ADGRL3: variants seen among roughly 807,000 people sequenced by gnomAD.
The protein encoded by ADGRL3 is calcium-independent alpha-latrotoxin receptor 3.
ADGRL3 carries 62 observed loss-of-function variants against 153.5 expected under a neutral mutation model. The ratio of observed to expected loss-of-function variants is 0.40; its 90% CI spans 0.33 to 0.50. ADGRL3 has a LOEUF of 0.50. Ranked by LOEUF, ADGRL3 falls within the 20% of genes least tolerant of loss-of-function variation. The pLI is 0.47. For missense variants in ADGRL3, 1,641 were observed against 1,859.4 expected, an observed-to-expected ratio of 0.88 and a Z score of 2.16; for synonymous variants, 710 against 672.5, an observed-to-expected ratio of 1.06 and a Z score of -0.86.
intron 6 of ADGRL3, among the ~76,000 whole-genome samples, chr4:61,701,726 T>G (rs1230866325): frequency 3.3e-5 from 5 of 151,964 alleles, no homozygotes; most frequent in African/African-American, 1.2e-4. Flanking sequence ...CATGAGCCGC[T>G]GCGCAGAACC....
chr4:61,734,924 A>G (rs922670579), intron 8 of ADGRL3, among the ~76,000 whole-genome samples: 1 of 152,228 alleles, frequency 6.6e-6, no homozygotes, highest in African/African-American at 2.4e-5. Context: ...AGTTCTTTAT[A>G]TAGTGAAGTG....
intron 4 of ADGRL3, among the ~76,000 whole-genome samples, chr4:61,553,574 G>A (rs1306772997): frequency 2.0e-5 from 3 of 152,078 alleles, no homozygotes; most frequent in Non-Finnish European, 4.4e-5. Context: ...TTACCCACAT[G>A]CACTTATTGA....
intron 2 of ADGRL3, among the ~76,000 whole-genome samples, chr4:61,443,897 T>C (rs1202433442): frequency 6.6e-6 from 1 of 152,158 alleles, no homozygotes; most frequent in African/African-American, 2.4e-5. Flanking sequence ...ATTTAGGTGG[T>C]TTCATTTTCA....
At chr4:61,440,394 T>C (rs1476362978) in intron 2 of ADGRL3, among the ~76,000 whole-genome samples, 1 of 152,176 alleles carries the variant, frequency 6.6e-6, no homozygotes, top group African/African-American at 2.4e-5. Context: ...TTTTGACTAT[T>C]TTTGCTCCAT....
rs568048926 is a variant in ADGRL3 at position 61,539,721 on chromosome 4, G to T, written c.259+22203G>T. Among the ~76,000 whole-genome samples, 30 of 152,266 alleles carry T rather than the reference G, an allele frequency of 2.0e-4. No individual in the cohort carries two copies. In the South Asian group the frequency reaches 3.9e-3, roughly 20 times the overall value. ...GGAAGTTCACAGATCACCACTGACA[G>T]TGTTGCCCAGGGTCACAAAGGCAGA... On this transcript the variant is annotated intron_variant, in intron 4 of 26. Transcript: ENST00000683033.
rs896411956 is a variant in ADGRL3, at chr4:61,725,893, G to A, written c.584-4729G>A. 5.9e-5 allele frequency among the ~76,000 whole-genome samples: 9 copies of A among 152,088 alleles called. No individual in the cohort carries two copies. The South Asian group carries it at 1.7e-3, about 28-fold the overall frequency. On this transcript the variant is annotated intron_variant, in intron 6 of 26. Coordinates refer to ENST00000683033, the MANE Select transcript of ADGRL3 (RefSeq NM_001387552.1). ...GTTGACCTTGGTCAAATCCTTTAGTGTTTAGACCCTCTTTACTCTTCTCTG... is the reference window on the plus strand; with the variant it reads ...GTTGACCTTGGTCAAATCCTTTAGTATTTAGACCCTCTTTACTCTTCTCTG...
intron 5 of ADGRL3, among the ~76,000 whole-genome samples, chr4:61,651,092 A>G (rs1034529015): frequency 1.3e-5 from 2 of 152,126 alleles, no homozygotes; most frequent in African/African-American, 4.8e-5. Context: ...ATATTTTTCT[A>G]TTTACTTGGC....
chr4:61,971,526 A>G (rs947979687), intron 17 of ADGRL3, among the ~76,000 whole-genome samples: 3 of 152,104 alleles, frequency 2.0e-5, no homozygotes, highest in Non-Finnish European at 4.4e-5. Flanking sequence ...CATGGTATAT[A>G]TGTGCCACAT....
At chr4:61,508,323 T>C (rs2098443198) in intron 3 of ADGRL3, among the ~76,000 whole-genome samples, 1 of 152,174 alleles carries the variant, frequency 6.6e-6, no homozygotes. Context: ...TCTTAAAAAG[T>C]TGGTTCTTTT....
In ADGRL3 at chr4:61,313,928, C is replaced by T. The variant is rs115900928; in HGVS notation, c.-239-69196C>T. On this transcript the variant is annotated intron_variant, in intron 1 of 26. Transcript: ENST00000683033. ...GCCCACACTCACTCAGACTGGGAAC[C>T]TATAGACATGCCAGCTCTCCTAACG... Among the ~76,000 whole-genome samples the T allele has an allele frequency of 2.3e-3, 346 of 152,142 alleles. 5 individuals are homozygous for T. The highest frequency in any genetic ancestry group is 8.0e-3 in the African/African-American group (331 of 41,504).
intron 1 of ADGRL3, among the ~76,000 whole-genome samples, chr4:61,350,022 C>A (rs560572940): frequency 1.3e-5 from 2 of 151,980 alleles, no homozygotes; most frequent in African/African-American, 2.4e-5. Context: ...TATCATCTGG[C>A]CAGTGATATA....
intron 4 of ADGRL3, among the ~76,000 whole-genome samples, chr4:61,580,208 T>G (rs975396359): frequency 1.3e-4 from 20 of 152,118 alleles, no homozygotes; most frequent in African/African-American, 4.8e-4. Flanking sequence ...TACAAATAGT[T>G]TAATTAACTA....
At position 61,263,804 on chromosome 4, in the gene ADGRL3, G is replaced by T. The variant is rs112075351; in HGVS notation, c.-240+62039G>T. 3.1e-3 allele frequency among the ~76,000 whole-genome samples: 476 copies of T among 152,042 alleles called. 3 individuals are homozygous for T. The highest frequency in any genetic ancestry group is 4.8e-3 in the Non-Finnish European group (325 of 67,888). On this transcript the variant is annotated intron_variant, in intron 1 of 26. Transcript: ENST00000683033. ...CAGTAAGCAACACCCATACCATAAA[G>T]TAGAAGTGATTCATTGGTTAACAGA...
At chr4:61,598,422 T>G (rs1335179509) in intron 5 of ADGRL3, among the ~76,000 whole-genome samples, 1 of 152,188 alleles carries the variant, frequency 6.6e-6, no homozygotes, top group East Asian at 1.9e-4. Flanking sequence ...TATACATATG[T>G]CATAGCTGTA....
intron 4 of ADGRL3, among the ~76,000 whole-genome samples, chr4:61,563,506 C>G (rs142422644): frequency 6.6e-6 from 1 of 152,152 alleles, no homozygotes; most frequent in African/African-American, 2.4e-5. Flanking sequence ...AAGTTTGAAG[C>G]CAGGCATTGA....
chr4:61,311,484 TG>T (rs891567163), intron 1 of ADGRL3, among the ~76,000 whole-genome samples: 24 of 152,168 alleles, frequency 1.6e-4, no homozygotes, highest in African/African-American at 5.8e-4. Context: ...GAAGAAACAA[TG>T]TGATGAACGG....
At chr4:62,008,868 A>G (rs759676197) in intron 21 of ADGRL3, among the ~76,000 whole-genome samples, 2 of 152,112 alleles carry the variant, frequency 1.3e-5, no homozygotes, top group Non-Finnish European at 2.9e-5. Flanking sequence ...TGGCGATCTC[A>G]TAAGATTGTA....
intron 8 of ADGRL3, among the ~76,000 whole-genome samples, chr4:61,742,663 T>C (rs1406867331): frequency 6.6e-6 from 1 of 152,162 alleles, no homozygotes; most frequent in East Asian, 1.9e-4. Context: ...CACAAAGGTA[T>C]TTCCTTCTTA....
intron 1 of ADGRL3, among the ~76,000 whole-genome samples, chr4:61,246,552 A>G (rs952055625): frequency 2.0e-5 from 3 of 152,046 alleles, no homozygotes; most frequent in Non-Finnish European, 4.4e-5. Context: ...GTTGAAACTT[A>G]GCAATATTGG....
Sources: gnomAD v4.1 joint callset for allele counts (sites outside exome capture counted in the v4.1 genomes callset) on GRCh38, gnomAD v4.1.1 for gene constraint, MANE v1.5 for transcripts, NCBI Gene and HGNC (gene_info 2026-07-23, HGNC 2026-07-21) for gene names.